Variants in CEP170B observed in about 807,000 individuals in gnomAD.
CEP170B encodes centrosomal protein 170B, also known as centrosomal protein of 170 kDa protein B.
Under a neutral mutation model 120.6 loss-of-function variants are expected in CEP170B, and 55 were observed. The observed-to-expected ratio is 0.46, with a 90% CI of 0.37 to 0.57. CEP170B has a LOEUF of 0.57. Ranked by LOEUF, CEP170B falls within the 20% of genes least tolerant of loss-of-function variation. CEP170B has a pLI of 0.00. For missense variants in CEP170B, 2,212 were observed against 2,253.3 expected (o/e 0.98, Z 0.37); for synonymous variants, 1,033 against 954.5 (o/e 1.08, Z -1.52).
chr14:104,886,701 G>C lies in CEP170B; in HGVS notation c.2462G>C (p.Gly821Ala). ...KPLAAPGDGEGLGQTAQPSPP... is the reference protein window; with the variant it reads ...KPLAAPGDGEALGQTAQPSPP... ...CTTGCGGCTCCAGGGGATGGGGAGG[G>C]CCTAGGGCAGACAGCCCAGCCCAGC... The change falls in exon 12 of 19, where the codon GGC becomes GCC. Residue 821 changes from glycine to alanine, a missense_variant. Transcript: ENST00000414716. 6.3e-7 allele frequency: 1 copy of C among 1,587,062 alleles called. No individual in the cohort carries two copies. The highest frequency in any genetic ancestry group is 8.6e-7 in the Non-Finnish European group (1 of 1,166,064).
chr14:104,894,024 T>C lies in CEP170B; in HGVS notation c.4271+175T>C, dbSNP rs1018121600. ...GGCTCCCAGCAGGCAGACCCTGAAC[T>C]CAGAGGAGCCAGCGCCTCCAGGGCG... is the stretch of plus-strand genomic sequence containing the variant. On this transcript the variant is annotated intron_variant, in intron 16 of 18. Transcript: ENST00000414716. 22 of 697,246 alleles carry C rather than the reference T, an allele frequency of 3.2e-5. No individual in the cohort carries two copies. The African/African-American group carries it at 3.6e-4, about 11-fold the overall frequency. 43.2% of individuals were successfully genotyped at this position (697,246 alleles called of 1,614,324 possible).
chr14:104,866,761 C>T (rs1895228864), intron 1 of CEP170B, among the ~76,000 whole-genome samples: 1 of 152,170 alleles, frequency 6.6e-6, no homozygotes, highest in South Asian at 2.1e-4. Flanking sequence ...AGCCTCAAAG[C>T]TGAAGACCTT....
At position 104,887,002 on chromosome 14, in the gene CEP170B, G is replaced by A. The variant is rs765554638; in HGVS notation, c.2763G>A (p.Leu921=). ...HLILKETETA[L]AALEARLLSN... is the part of the protein sequence containing the mutation. ...TCTTGAAGGAGACGGAGACGGCCCT[G>A]GCGGCCCTGGAGGCCCGACTCCTCT... is the stretch of plus-strand genomic sequence containing the variant. Residue 921 remains leucine, a synonymous_variant, in exon 12 of 19, where the codon CTG becomes CTA. Transcript: ENST00000414716. 4 of 1,609,720 alleles carry A rather than the reference G, an allele frequency of 2.5e-6. No individual in the cohort carries two copies. Among genetic ancestry groups the A allele is most frequent in the South Asian group, 1.1e-5 (1 of 91,090 alleles).
At chr14:104,878,739 C>T (rs1052497368) in intron 5 of CEP170B, among the ~76,000 whole-genome samples, 6 of 152,320 alleles carry the variant, frequency 3.9e-5, no homozygotes, top group East Asian at 1.9e-4. Context: ...GCGGGGGCAC[C>T]GGGACGCGGG....
chr14:104,883,397 G>A lies in CEP170B; in HGVS notation c.940G>A (p.Val314Met). The A allele has an allele frequency of 6.3e-7, 1 of 1,595,328 alleles. No homozygotes were observed. Among genetic ancestry groups the A allele is most frequent in the Non-Finnish European group, 8.5e-7 (1 of 1,172,452 alleles). ...CGAGATGGTGTCGGCTGAGACCAAG[G>A]TGGCCGACTGGCTGGTGCAGAATGA... is the stretch of plus-strand genomic sequence containing the variant. ...PGEMVSAETK[V>M]ADWLVQNDPS... The change falls in exon 8 of 19, where the codon GTG becomes ATG. Residue 314 changes from valine to methionine, a missense_variant. This residue lies in a region of CEP170B where 2,166 missense variants were observed against 2,166.7 expected (regional missense o/e 1.00). Coordinates refer to ENST00000414716, the MANE Select transcript of CEP170B (RefSeq NM_001112726.3).
chr14:104,869,082 G>A (rs1237529712), intron 2 of CEP170B, among the ~76,000 whole-genome samples: 3 of 152,188 alleles, frequency 2.0e-5, no homozygotes, highest in Non-Finnish European at 4.4e-5. Flanking sequence ...AGAGCCTGCC[G>A]AGCACCGGCA....
Position 104,887,610 on chromosome 14 carries a change from C to T in CEP170B, c.3371C>T (p.Ser1124Phe). 1 of 1,583,188 alleles carries T rather than the reference C, an allele frequency of 6.3e-7. No homozygotes were observed. Among genetic ancestry groups the T allele is most frequent in the Non-Finnish European group, 8.6e-7 (1 of 1,166,156 alleles). ...SLSTPRPTRASRLRRARLGDA... is the reference protein window; with the variant it reads ...SLSTPRPTRAFRLRRARLGDA... ...TCCACCCCTCGCCCCACACGGGCCT[C>T]CCGGCTGAGGCGGGCCCGGCTGGGG... Residue 1124 changes from serine to phenylalanine, a missense_variant, in exon 12 of 19, where the codon TCC (serine) becomes TTC (phenylalanine). Coordinates refer to ENST00000414716, the MANE Select transcript of CEP170B (RefSeq NM_001112726.3).
intron 10 of CEP170B, 61 bp from the exon 11 acceptor site, chr14:104,885,979 C>T: frequency 7.0e-7 from 1 of 1,420,436 alleles, no homozygotes; most frequent in Non-Finnish European, 9.4e-7. Flanking sequence ...TGTTCCCTGG[C>T]ACCCCCTGCT....
intron 3 of CEP170B, among the ~76,000 whole-genome samples, chr14:104,877,213 C>G (rs981495086): frequency 2.0e-5 from 3 of 152,198 alleles, no homozygotes; most frequent in African/African-American, 7.2e-5. Flanking sequence ...GCGGCTGTCC[C>G]TGAATGGCTG....
chr14:104,877,836 A>ACCCCCCCCCCCCCCCC, intron 3 of CEP170B, 49 bp from the exon 4 acceptor site: 6 of 237,058 alleles, frequency 2.5e-5, no homozygotes, highest in South Asian at 9.1e-5. Context: ...GCCCACAGCC[A>ACCCCCCCCCCCCCCCC]CCCACCCGCG....
chr14:104,882,684 G>C, intron 6 of CEP170B, 44 bp from the exon 7 acceptor site: 1 of 1,527,588 alleles, frequency 6.5e-7, no homozygotes, highest in Non-Finnish European at 8.9e-7. Context: ...TTTCACACTG[G>C]GGGCCCCAGC....
rs45577935 is a variant in CEP170B at position 104,882,849 on chromosome 14, G to C, written c.577+17G>C. On this transcript the variant is annotated intron_variant, in intron 7 of 18. Transcript: ENST00000414716. ...CCTACCCAGGTTGGTCTTGGGGCCA[G>C]GCTGGTGAGACCCTGAGGGCTCCCA... The C allele has an allele frequency of 0.026, 42,192 of 1,608,038 alleles. 637 individuals are homozygous for C. Among genetic ancestry groups the C allele is most frequent in the Non-Finnish European group, 0.031 (35,903 of 1,177,112 alleles).
At chr14:104,882,676 T>A in intron 6 of CEP170B, 52 bp from the exon 7 acceptor site, 7 of 1,478,982 alleles carry the variant, frequency 4.7e-6, no homozygotes, top group Non-Finnish European at 6.5e-6. Flanking sequence ...TCTCTGCTTT[T>A]CACACTGGGG....
Position 104,887,507 on chromosome 14 carries a change from G to A in CEP170B, c.3268G>A (p.Ala1090Thr), listed in dbSNP as rs1250748260. The A allele has an allele frequency of 6.2e-7, 1 of 1,611,790 alleles. No homozygotes were observed. The highest frequency in any genetic ancestry group is 1.7e-5 in the Admixed American group (1 of 59,984). The change falls in exon 12 of 19, where the codon GCT becomes ACT. Residue 1090 changes from alanine to threonine, a missense_variant. By Grantham distance (58) the Ala-to-Thr change is moderately conservative. Coordinates refer to ENST00000414716, the MANE Select transcript of CEP170B (RefSeq NM_001112726.3). The stretch of plus-strand genomic sequence containing the variant: ...ACCAGCGGCCCCACCGCCATCCCCA[G>A]CTGCCCGGGAGGAGCAGAGCCGTAG... ...RKPAAPPPSP[A>T]AREEQSRSSA...
chr14:104,889,872 C>T lies in CEP170B; in HGVS notation c.3878+114C>T, dbSNP rs112738847. On this transcript the variant is annotated intron_variant, in intron 13 of 18. Transcript: ENST00000414716. ...TCCCTTCTTGAGTGGATAGATGGTACGGCAGATGGCTGGCTGGCTGGATGG... is the reference window on the plus strand; with the variant it reads ...TCCCTTCTTGAGTGGATAGATGGTATGGCAGATGGCTGGCTGGCTGGATGG... 1,318 of 1,073,644 alleles carry T rather than the reference C, an allele frequency of 1.2e-3. 13 individuals are homozygous for T. The African/African-American group carries it at 0.019, about 15-fold the overall frequency. 66.5% of individuals were successfully genotyped at this position (1,073,644 alleles called of 1,614,324 possible). A position where few individuals can be genotyped will look rare whatever the true frequency, so the allele number is the denominator to read the frequency against.
intron 5 of CEP170B, among the ~76,000 whole-genome samples, chr14:104,879,211 C>G (rs907347255): frequency 2.0e-5 from 3 of 152,112 alleles, no homozygotes; most frequent in Admixed American, 6.5e-5. Flanking sequence ...AATTTGGTCT[C>G]TCTGTGAGTG....
In CEP170B at chr14:104,893,864, T is replaced by C. The variant is rs1327953597; in HGVS notation, c.4271+15T>C. The C allele has an allele frequency of 1.2e-6, 2 of 1,605,118 alleles. No individual in the cohort carries two copies. Among genetic ancestry groups the C allele is most frequent in the African/African-American group, 1.3e-5 (1 of 74,794 alleles). The stretch of plus-strand genomic sequence containing the variant: ...GAGAAGATGAAGTGAGTCGGCTTCC[T>C]GGCTGAGGTGGACGCCCAGACACCA... On this transcript the variant is annotated intron_variant, in intron 16 of 18. Transcript: ENST00000414716.
At chr14:104,874,080 G>A (rs1014794937) in intron 2 of CEP170B, among the ~76,000 whole-genome samples, 3 of 152,226 alleles carry the variant, frequency 2.0e-5, no homozygotes, top group African/African-American at 7.2e-5. Flanking sequence ...TGCCCACGGG[G>A]CAGTTAGTGG....
At position 104,884,033 on chromosome 14, in the gene CEP170B, C is replaced by T; in HGVS notation, c.1254C>T (p.Arg418=). ...ACGAGGACACACCCCGAAAGAAGCGCTCCCAGTCCTTCACGCACAGCCCGT... is the reference window on the plus strand; with the variant it reads ...ACGAGGACACACCCCGAAAGAAGCGTTCCCAGTCCTTCACGCACAGCCCGT... The part of the protein sequence containing the change: ...FFDEDTPRKK[R]SQSFTHSPSG... The change falls in exon 9 of 19, where the codon CGC becomes CGT. Residue 418 remains arginine, a synonymous_variant. Coordinates refer to ENST00000414716, the MANE Select transcript of CEP170B (RefSeq NM_001112726.3). 6.2e-7 allele frequency: 1 copy of T among 1,610,674 alleles called. No homozygotes were observed. The highest frequency in any genetic ancestry group is 8.5e-7 in the Non-Finnish European group (1 of 1,178,808).
Sources: allele counts gnomAD v4.1 joint callset (sites outside exome capture counted in the v4.1 genomes callset), GRCh38; gene constraint gnomAD v4.1.1; regional missense constraint gnomAD v4.1.1; transcripts MANE v1.5; gene names NCBI Gene and HGNC (gene_info 2026-07-23, HGNC 2026-07-21).